TRAPPC9: variants seen among roughly 807,000 people sequenced by gnomAD.
The protein encoded by TRAPPC9 is trafficking protein particle complex subunit 9, also known as IKK2 binding protein.
In TRAPPC9, 83 loss-of-function variants were observed where a neutral mutation model predicts 124.0. The ratio of observed to expected loss-of-function variants is 0.67; its 90% CI spans 0.56 to 0.80. The LOEUF is 0.80. Among genes scored for constraint, TRAPPC9 ranks in the 30% least tolerant of loss-of-function variants. The pLI is 0.00. For missense variants in TRAPPC9, 1,302 were observed against 1,508.3 expected, an observed-to-expected ratio of 0.86 and a Z score of 2.27; for synonymous variants, 638 against 617.5, an observed-to-expected ratio of 1.03 and a Z score of -0.49.
chr8:139,834,642 G>C (rs541318128), intron 21 of TRAPPC9, among the ~76,000 whole-genome samples: 1 of 152,358 alleles, frequency 6.6e-6, no homozygotes, highest in Admixed American at 6.5e-5. Context: ...GTTGAAGCCA[G>C]AGAGTGTGGC....
At chr8:139,847,647 C>T (rs533412267) in intron 21 of TRAPPC9, among the ~76,000 whole-genome samples, 7 of 149,332 alleles carry the variant, frequency 4.7e-5, no homozygotes, top group South Asian at 2.1e-4. Flanking sequence ...CCTGCCTTCC[C>T]GATGGCCTGG....
At chr8:139,760,311 G>A (rs1367221545) in intron 21 of TRAPPC9, among the ~76,000 whole-genome samples, 1 of 152,130 alleles carries the variant, frequency 6.6e-6, no homozygotes, top group African/African-American at 2.4e-5. Context: ...AAGGAAAGCA[G>A]ACAGACAGCT....
At chr8:139,800,363 C>T (rs1465293798) in intron 21 of TRAPPC9, among the ~76,000 whole-genome samples, 3 of 152,254 alleles carry the variant, frequency 2.0e-5, no homozygotes. Flanking sequence ...GCATGTGCCC[C>T]AGAGACCCAG....
chr8:139,916,738 A>G (rs1832159170), intron 19 of TRAPPC9: 1 of 152,278 alleles, frequency 6.6e-6, no homozygotes, highest in Non-Finnish European at 1.5e-5. Context: ...GGTTTTTAAA[A>G]TACCAGATCA....
chr8:139,802,819 T>C (rs1823633201), intron 21 of TRAPPC9, among the ~76,000 whole-genome samples: 1 of 152,146 alleles, frequency 6.6e-6, no homozygotes, highest in Non-Finnish European at 1.5e-5. Flanking sequence ...GGGTGTGGAA[T>C]GTGAAGTGTA....
chr8:139,805,944 A>G (rs755070675), intron 21 of TRAPPC9, among the ~76,000 whole-genome samples: 6 of 152,230 alleles, frequency 3.9e-5, no homozygotes. Context: ...GTATCCATAT[A>G]ATCACATAAT....
At chr8:139,806,482 A>C (rs1301641841) in intron 21 of TRAPPC9, among the ~76,000 whole-genome samples, 1 of 152,208 alleles carries the variant, frequency 6.6e-6, no homozygotes, top group African/African-American at 2.4e-5. Flanking sequence ...GGACCCGTGA[A>C]AACAATATGT....
rs544113120 is a variant in TRAPPC9, at chr8:140,312,087, A to G, written c.1496-713T>C. 3.3e-5 allele frequency among the ~76,000 whole-genome samples: 5 copies of G among 152,260 alleles called. No homozygotes were observed. In the East Asian group the frequency reaches 9.6e-4, roughly 29 times the overall value. Reference sequence around the variant, plus strand: ...CCTGTCCCCACTTTGCAGATGAAAAACCTGAGACCAAGGGAAATTAAGCAG... The same window carrying G: ...CCTGTCCCCACTTTGCAGATGAAAAGCCTGAGACCAAGGGAAATTAAGCAG... On this transcript the variant is annotated intron_variant, in intron 9 of 22. Transcript: ENST00000438773.
intron 9 of TRAPPC9, among the ~76,000 whole-genome samples, chr8:140,351,234 C>T (rs1490570082): frequency 1.3e-5 from 2 of 151,496 alleles, no homozygotes; most frequent in African/African-American, 2.4e-5. Flanking sequence ...CCCTCCAGCC[C>T]CCCACGCTGC....
chr8:139,826,321 C>T (rs1013154876), intron 21 of TRAPPC9, among the ~76,000 whole-genome samples: 10 of 152,186 alleles, frequency 6.6e-5, no homozygotes, highest in Non-Finnish European at 1.3e-4. Flanking sequence ...AGAGGAGGGA[C>T]GGAACAGGAG....
In TRAPPC9 at chr8:139,910,210, C is replaced by G. The variant is rs139074311; in HGVS notation, c.2901G>C (p.Glu967Asp). The change falls in exon 20 of 23, where the codon GAG (glutamate) becomes GAC (aspartate). Residue 967 changes from glutamate to aspartate, a missense_variant. Glu to Asp is a conservative substitution (Grantham distance 45, BLOSUM62 2). Coordinates refer to ENST00000438773, the MANE Select transcript of TRAPPC9 (RefSeq NM_001160372.4). ...GGCCTCGGGCTTCCCGCCGCTCTTC[C>G]TCCAGCTGCTTGGGGTTTGCAAATT... is the stretch of plus-strand genomic sequence containing the variant. ...KGQFANPKQL[E>D]EERREARGLE... 8.6e-5 allele frequency: 139 copies of G among 1,614,104 alleles called. No homozygotes were observed. The highest frequency in any genetic ancestry group is 8.3e-5 in the Admixed American group (5 of 60,010).
At chr8:140,211,678 C>A (rs61710493) in intron 17 of TRAPPC9, among the ~76,000 whole-genome samples, 64,698 of 152,132 alleles carry the variant, frequency 0.43, 15,497 homozygotes, top group Non-Finnish European at 0.55. Context: ...TCCCAAAAAA[C>A]CCAGAGTTAA....
At chr8:140,109,139 G>A (rs534391945) in intron 17 of TRAPPC9, among the ~76,000 whole-genome samples, 1 of 152,242 alleles carries the variant, frequency 6.6e-6, no homozygotes, top group Admixed American at 6.5e-5. Context: ...TGCCTCACAA[G>A]CAAAGGGAAG....
chr8:139,756,895 A>C (rs1819855602), intron 21 of TRAPPC9, among the ~76,000 whole-genome samples: 1 of 138,042 alleles, frequency 7.2e-6, no homozygotes, highest in South Asian at 2.4e-4. Flanking sequence ...AGGAGGAGCC[A>C]GGGTTTGGGG....
intron 17 of TRAPPC9, among the ~76,000 whole-genome samples, chr8:140,218,946 C>T (rs1587949766): frequency 1.3e-5 from 2 of 150,446 alleles, no homozygotes; most frequent in Admixed American, 6.7e-5. Flanking sequence ...GGTGACAGAA[C>T]GAGACTCCCA....
intron 18 of TRAPPC9, among the ~76,000 whole-genome samples, chr8:140,019,620 T>C (rs1431397163): frequency 1.4e-5 from 2 of 145,734 alleles, no homozygotes; most frequent in Non-Finnish European, 3.0e-5. Context: ...TGGTGCAATC[T>C]TGGCTCACTG....
chr8:140,388,779 C>G (rs1412895330), intron 7 of TRAPPC9, among the ~76,000 whole-genome samples: 1 of 142,096 alleles, frequency 7.0e-6, no homozygotes, highest in South Asian at 2.4e-4. Flanking sequence ...ACCTGGGAGG[C>G]GGAGGTTGCA....
At chr8:140,326,096 G>A (rs1217281659) in intron 9 of TRAPPC9, among the ~76,000 whole-genome samples, 1 of 152,020 alleles carries the variant, frequency 6.6e-6, no homozygotes, top group Admixed American at 6.6e-5. Flanking sequence ...TAAGAAGTCG[G>A]GGGTTACTGG....
At chr8:140,415,275 C>T (rs541963171) in intron 5 of TRAPPC9, among the ~76,000 whole-genome samples, 14 of 151,830 alleles carry the variant, frequency 9.2e-5, no homozygotes, top group Middle Eastern at 3.4e-3. Flanking sequence ...GAAAACTGGC[C>T]AGGTACAGTG....
Sources: allele counts gnomAD v4.1 joint callset (sites outside exome capture counted in the v4.1 genomes callset), GRCh38; gene constraint gnomAD v4.1.1; transcripts MANE v1.5; gene names NCBI Gene and HGNC (gene_info 2026-07-23, HGNC 2026-07-21).